The following DISC1 variants were observed in gnomAD, a reference collection of about 807,000 sequenced individuals.
The protein encoded by DISC1 is disrupted in schizophrenia 1 protein.
In DISC1, 57 loss-of-function variants were observed where a neutral mutation model predicts 84.5. The ratio of observed to expected loss-of-function variants is 0.67; its 90% CI spans 0.55 to 0.84. The LOEUF (loss-of-function observed/expected upper bound fraction) is 0.84. DISC1 is among the 40% of genes least tolerant of loss of function. The pLI is 0.00. For missense variants in DISC1, 1,000 were observed against 1,057.8 expected (o/e 0.95, Z 0.76); for synonymous variants, 411 against 415.2 (o/e 0.99, Z 0.12).
At chr1:231,983,703 C>G (rs1663995702) in intron 10 of DISC1, among the ~76,000 whole-genome samples, 1 of 151,454 alleles carries the variant, frequency 6.6e-6, no homozygotes, top group South Asian at 2.1e-4. Flanking sequence ...CTAGCTCCCT[C>G]TACTGACAAA....
chr1:231,926,661 G>T (rs958319437), intron 9 of DISC1, among the ~76,000 whole-genome samples: 1 of 152,200 alleles, frequency 6.6e-6, no homozygotes, highest in Admixed American at 6.5e-5. Context: ...TAATAGATCA[G>T]CCTGAAAGGG....
chr1:231,725,506 A>C (rs938972496), intron 3 of DISC1, among the ~76,000 whole-genome samples: 3 of 152,116 alleles, frequency 2.0e-5, no homozygotes, highest in Admixed American at 1.3e-4. Context: ...AATTTGCACT[A>C]GCTCACCCCT....
chr1:231,720,570 C>G (rs1391344378), intron 3 of DISC1, among the ~76,000 whole-genome samples: 1 of 152,062 alleles, frequency 6.6e-6, no homozygotes, highest in African/African-American at 2.4e-5. Context: ...GAATGCCTGG[C>G]CTCAAGCGAT....
At chr1:231,639,936 A>G (rs1378490948) in intron 1 of DISC1, among the ~76,000 whole-genome samples, 1 of 152,236 alleles carries the variant, frequency 6.6e-6, no homozygotes, top group East Asian at 1.9e-4. Flanking sequence ...TTCTACAGAT[A>G]TGTAATGTTA....
At chr1:231,933,678 T>A (rs886743945) in intron 9 of DISC1, among the ~76,000 whole-genome samples, 1 of 152,114 alleles carries the variant, frequency 6.6e-6, no homozygotes, top group African/African-American at 2.4e-5. Context: ...AGAAAAAAAA[T>A]TTTCCAACCT....
intron 8 of DISC1, among the ~76,000 whole-genome samples, chr1:231,800,680 T>C (rs920157010): frequency 1.3e-5 from 2 of 152,178 alleles, no homozygotes. Flanking sequence ...CATTAATTAG[T>C]AGCTTGAAGT....
chr1:231,656,014 G>T (rs915611026), intron 1 of DISC1, among the ~76,000 whole-genome samples: 1 of 152,150 alleles, frequency 6.6e-6, no homozygotes, highest in African/African-American at 2.4e-5. Context: ...CGGATGCATA[G>T]TTTGCAAATA....
chr1:231,962,193 G>T (rs1237594058), intron 10 of DISC1, among the ~76,000 whole-genome samples: 1 of 152,080 alleles, frequency 6.6e-6, no homozygotes, highest in African/African-American at 2.4e-5. Context: ...AGAAGTACCT[G>T]TTCATATCTT....
Position 232,041,050 on chromosome 1 carries a change from T to G in DISC1, c.*4219T>G, listed in dbSNP as rs972420157. On this transcript the variant is annotated 3_prime_UTR_variant, in exon 13 of 13. Transcript: ENST00000439617. ...TTTAATATCCTCACCTTATCTAATC[T>G]TTGAATTTTGTCATGTAATTTATTG... The G allele has an allele frequency of 6.6e-6, 1 of 152,248 alleles. No homozygotes were observed. Among genetic ancestry groups the G allele is most frequent in the Non-Finnish European group, 1.5e-5 (1 of 68,054 alleles). 9.4% of individuals were successfully genotyped at this position (152,248 alleles called of 1,614,324 possible). A position where few individuals can be genotyped will look rare whatever the true frequency, so the allele number is the denominator to read the frequency against.
At chr1:232,002,842 A>G (rs904575099) in intron 10 of DISC1, among the ~76,000 whole-genome samples, 4 of 152,168 alleles carry the variant, frequency 2.6e-5, no homozygotes, top group African/African-American at 4.8e-5. Context: ...GAATGTGGTA[A>G]GGGGTACCTG....
At chr1:231,997,682 TC>T (rs2102947567) in intron 10 of DISC1, among the ~76,000 whole-genome samples, 1 of 152,084 alleles carries the variant, frequency 6.6e-6, no homozygotes, top group South Asian at 2.1e-4. Flanking sequence ...TCCTCCCTGT[TC>T]CCCAAGGGGT....
chr1:231,671,588 C>G (rs2062623210), intron 1 of DISC1, among the ~76,000 whole-genome samples: 1 of 152,166 alleles, frequency 6.6e-6, no homozygotes, highest in Non-Finnish European at 1.5e-5. Context: ...GAGTAAAGGA[C>G]CTTGGAAAAA....
intron 10 of DISC1, among the ~76,000 whole-genome samples, chr1:231,972,280 G>A (rs1471622407): frequency 6.6e-6 from 1 of 152,174 alleles, no homozygotes; most frequent in African/African-American, 2.4e-5. Flanking sequence ...GTGGCTTATT[G>A]GAGCATGAAG....
chr1:231,836,271 C>T (rs866281000), intron 9 of DISC1, among the ~76,000 whole-genome samples: 7 of 152,176 alleles, frequency 4.6e-5, no homozygotes, highest in South Asian at 2.1e-4. Context: ...CTTCCAGAGG[C>T]GTGCTGTTAT....
At chr1:231,885,495 C>G (rs1294609394) in intron 9 of DISC1, among the ~76,000 whole-genome samples, 1 of 152,200 alleles carries the variant, frequency 6.6e-6, no homozygotes, top group Non-Finnish European at 1.5e-5. Flanking sequence ...TACATATATT[C>G]AAGCCCGATG....
chr1:231,967,211 G>C (rs533347201), intron 10 of DISC1, among the ~76,000 whole-genome samples: 7 of 152,204 alleles, frequency 4.6e-5, no homozygotes, highest in Non-Finnish European at 1.0e-4. Flanking sequence ...ACCAAGGTCT[G>C]TTCCCTCACC....
chr1:231,774,089 AT>A (rs1016383508), intron 6 of DISC1, among the ~76,000 whole-genome samples: 1 of 151,962 alleles, frequency 6.6e-6, no homozygotes, highest in African/African-American at 2.4e-5. Flanking sequence ...AAATAAAAAA[AT>A]AAAAATAAAA....
intron 11 of DISC1, among the ~76,000 whole-genome samples, chr1:232,025,763 A>AT (rs879921024): frequency 3.9e-5 from 6 of 151,956 alleles, no homozygotes; most frequent in Non-Finnish European, 7.4e-5. Flanking sequence ...CGCCCGGCTA[A>AT]TTTTTTGTAT....
chr1:231,785,353 C>G (rs1419104961), intron 6 of DISC1, among the ~76,000 whole-genome samples: 1 of 151,758 alleles, frequency 6.6e-6, no homozygotes, highest in Non-Finnish European at 1.5e-5. Flanking sequence ...GATCATAGCT[C>G]ACTGTAGCCT....
Sources: allele counts gnomAD v4.1 joint callset (sites outside exome capture counted in the v4.1 genomes callset), GRCh38; gene constraint gnomAD v4.1.1; transcripts MANE v1.5; gene names NCBI Gene and HGNC (gene_info 2026-07-23, HGNC 2026-07-21).